ARL15: variants seen among roughly 807,000 people sequenced by gnomAD.
The protein encoded by ARL15 is ADP-ribosylation factor-like protein 15.
Under a neutral mutation model 25.2 loss-of-function variants are expected in ARL15, and 19 were observed. That is an observed-to-expected ratio of 0.75 (90% CI 0.53 to 1.10). The LOEUF (loss-of-function observed/expected upper bound fraction) is 1.10. ARL15 is among the 50% of genes least tolerant of loss of function. ARL15 has a pLI of 0.00. For synonymous variants in ARL15, 94 were observed against 86.8 expected (o/e 1.08, Z -0.46); for missense variants, 220 against 246.0 (o/e 0.89, Z 0.71).
chr5:53,917,865 G>A (rs1745707703), intron 4 of ARL15, among the ~76,000 whole-genome samples: 1 of 141,990 alleles, frequency 7.0e-6, no homozygotes, highest in Non-Finnish European at 1.6e-5. Flanking sequence ...GGAATACACT[G>A]GCAATCAAAA....
chr5:54,026,833 G>A (rs534490166), intron 4 of ARL15, among the ~76,000 whole-genome samples: 3 of 152,082 alleles, frequency 2.0e-5, no homozygotes, highest in South Asian at 2.1e-4. Flanking sequence ...GGCAGGACTG[G>A]GCATTTGAGG....
chr5:54,278,844 C>CT (rs1292986541), intron 1 of ARL15, among the ~76,000 whole-genome samples: 1 of 152,202 alleles, frequency 6.6e-6, no homozygotes, highest in Non-Finnish European at 1.5e-5. Context: ...ACTGGATACC[C>CT]TTTGTTGTCT....
chr5:54,063,459 C>G (rs994170630), intron 4 of ARL15, among the ~76,000 whole-genome samples: 4 of 152,148 alleles, frequency 2.6e-5, no homozygotes, highest in African/African-American at 7.2e-5. Context: ...AGCATGCTTA[C>G]CTGATATAGT....
At chr5:54,221,501 C>T (rs1025109275) in intron 1 of ARL15, among the ~76,000 whole-genome samples, 1 of 152,026 alleles carries the variant, frequency 6.6e-6, no homozygotes, top group Non-Finnish European at 1.5e-5. Context: ...CCTTTCTTTC[C>T]TTTATTTCTT....
At chr5:54,119,420 C>CA (rs937996613) in intron 3 of ARL15, among the ~76,000 whole-genome samples, 222 of 151,192 alleles carry the variant, frequency 1.5e-3, no homozygotes, top group African/African-American at 5.1e-3. Flanking sequence ...CGTACCGAGC[C>CA]AAAAAAAACT....
At chr5:54,291,893 C>A (rs7704922) in intron 1 of ARL15, among the ~76,000 whole-genome samples, 11,394 of 152,268 alleles carry the variant, frequency 0.075, 583 homozygotes, top group African/African-American at 0.14. Flanking sequence ...CTGGGCTCCC[C>A]TGGGGCTTGG....
At chr5:54,107,053 A>G (rs1359021230) in intron 4 of ARL15, among the ~76,000 whole-genome samples, 2 of 152,058 alleles carry the variant, frequency 1.3e-5, no homozygotes, top group Non-Finnish European at 2.9e-5. Flanking sequence ...ACAGTTCCAC[A>G]TGGCTGGGGA....
At chr5:54,065,421 T>A (rs1436310351) in intron 4 of ARL15, among the ~76,000 whole-genome samples, 1 of 152,150 alleles carries the variant, frequency 6.6e-6, no homozygotes, top group South Asian at 2.1e-4. Flanking sequence ...ATCCCAGCAC[T>A]TTGGGAGGCT....
intron 3 of ARL15, among the ~76,000 whole-genome samples, chr5:54,121,816 G>A (rs1753085523): frequency 6.6e-6 from 1 of 152,128 alleles, no homozygotes; most frequent in South Asian, 2.1e-4. Context: ...CAATAAAAGA[G>A]AGGAAAATAA....
intron 1 of ARL15, among the ~76,000 whole-genome samples, chr5:54,199,304 A>C (rs1755646111): frequency 2.0e-5 from 3 of 152,058 alleles, no homozygotes; most frequent in Non-Finnish European, 2.9e-5. Flanking sequence ...AATGGGATAT[A>C]ATTAAACTAA....
intron 4 of ARL15, among the ~76,000 whole-genome samples, chr5:54,087,038 G>A (rs1169282412): frequency 6.6e-6 from 1 of 152,150 alleles, no homozygotes; most frequent in Admixed American, 6.5e-5. Context: ...GAAGTAAGGT[G>A]TTTAAGAACT....
At chr5:53,951,847 ATTTTTT>A (rs59369848) in intron 4 of ARL15, among the ~76,000 whole-genome samples, 2 of 98,220 alleles carry the variant, frequency 2.0e-5, no homozygotes, top group African/African-American at 3.9e-5. Context: ...ACATAAAAGA[ATTTTTT>A]TTTTTTTTTT....
chr5:54,092,852 T>C (rs557731723), intron 4 of ARL15, among the ~76,000 whole-genome samples: 1 of 152,346 alleles, frequency 6.6e-6, no homozygotes, highest in South Asian at 2.1e-4. Context: ...AGATGTATTT[T>C]AAATAGGAAA....
At chr5:54,278,977 TG>T (rs1757987767) in intron 1 of ARL15, among the ~76,000 whole-genome samples, 1 of 152,210 alleles carries the variant, frequency 6.6e-6, no homozygotes, top group Admixed American at 6.5e-5. Flanking sequence ...ACTTCAGATA[TG>T]GATTCCTAAT....
intron 4 of ARL15, chr5:54,048,343 A>T (rs1750591492): frequency 6.7e-6 from 1 of 149,756 alleles, no homozygotes; most frequent in Non-Finnish European, 1.5e-5. Context: ...TTTCATACTC[A>T]ATTACCTTTC....
chr5:54,131,796 G>A (rs1042658026), intron 3 of ARL15, among the ~76,000 whole-genome samples: 3 of 151,952 alleles, frequency 2.0e-5, no homozygotes, highest in Admixed American at 6.6e-5. Context: ...CCAGCTACTC[G>A]GGAGGCTGAG....
chr5:54,110,917 C>A (rs1342162584), intron 4 of ARL15, among the ~76,000 whole-genome samples: 1 of 151,966 alleles, frequency 6.6e-6, no homozygotes, highest in African/African-American at 2.4e-5. Flanking sequence ...AGCATTTCAA[C>A]AAGGCATTTT....
At chr5:54,207,763 G>C (rs1426401157) in intron 1 of ARL15, among the ~76,000 whole-genome samples, 1 of 152,146 alleles carries the variant, frequency 6.6e-6, no homozygotes, top group East Asian at 1.9e-4. Context: ...GGAATGGCTG[G>C]AATCCAAGAT....
intron 4 of ARL15, among the ~76,000 whole-genome samples, chr5:53,955,220 C>A (rs1410225326): frequency 6.6e-6 from 1 of 151,766 alleles, no homozygotes; most frequent in Non-Finnish European, 1.5e-5. Flanking sequence ...CAATACTTTT[C>A]TTCCTTCAAC....
Sources: allele counts gnomAD v4.1 joint callset (sites outside exome capture counted in the v4.1 genomes callset), GRCh38; gene constraint gnomAD v4.1.1; transcripts MANE v1.5; gene names NCBI Gene and HGNC (gene_info 2026-07-23, HGNC 2026-07-21).